CYP2D6: variants seen among roughly 807,000 people sequenced by gnomAD.
CYP2D6 encodes cytochrome P450 2D6.
Under a neutral mutation model 43.5 loss-of-function variants are expected in CYP2D6, and 51 were observed. That is an observed-to-expected ratio of 1.17 (90% CI 0.94 to 1.48). The LOEUF is 1.48. Among genes scored for constraint, CYP2D6 ranks in the 40% most tolerant of loss-of-function variants. CYP2D6 has a pLI of 0.00. For missense variants in CYP2D6, 698 were observed against 688.0 expected (o/e 1.01, Z -0.16); for synonymous variants, 346 against 297.1 (o/e 1.16, Z -1.69).
chr22:42,128,749 G>C, intron 4 of CYP2D6, 35 bp downstream of exon 4: 1 of 1,590,340 alleles, frequency 6.3e-7, no homozygotes, highest in Non-Finnish European at 8.6e-7. Context: ...TCGGGAGCTC[G>C]CCCTGCAGAG....
At position 42,128,166 on chromosome 22, in the gene CYP2D6, ACT is replaced by A; in HGVS notation, c.843+6_843+7del. Reference sequence around the variant, plus strand: ...ACCCTTGCCCCCCACCGTGGCAGCCACTCTCACCTTCTCCATCTCTGCCAGGA... The same window carrying A: ...ACCCTTGCCCCCCACCGTGGCAGCCACTCACCTTCTCCATCTCTGCCAGGA... On this transcript the variant is annotated splice_donor_region_variant and intron_variant, in intron 5 of 8. Transcript: ENST00000645361. The A allele has an allele frequency of 6.3e-7, 1 of 1,596,134 alleles. No homozygotes were observed. The highest frequency in any genetic ancestry group is 2.3e-5 in the East Asian group (1 of 44,326).
At position 42,128,767 on chromosome 22, in the gene CYP2D6, G is replaced by T. The variant is rs762513657; in HGVS notation, c.666+17C>A. 1.4e-5 allele frequency: 22 copies of T among 1,565,146 alleles called. No homozygotes were observed. The highest frequency in any genetic ancestry group is 1.7e-5 in the Admixed American group (1 of 58,172). ...GGAGCTCGCCCTGCAGAGACTCCTC[G>T]GTCTCTCGCTCCGCACCTCGCGCAG... On this transcript the variant is annotated intron_variant, in intron 4 of 8. Transcript: ENST00000645361.
In CYP2D6 at chr22:42,130,242, C is replaced by T. The variant is rs1284288269; in HGVS notation, c.181-333G>A. 2.0e-5 allele frequency: 10 copies of T among 512,342 alleles called. 1 individual carries two copies. In the Admixed American group the frequency reaches 2.2e-4, roughly 11 times the overall value. 31.7% of individuals were successfully genotyped at this position (512,342 alleles called of 1,614,324 possible). A position where few individuals can be genotyped will look rare whatever the true frequency, so the allele number is the denominator to read the frequency against. ...GCAAAAGGTTTGAACCGGGTCACTG[C>T]ACCCCCTTCATCCTCGATTTCGTGA... On this transcript the variant is annotated intron_variant, in intron 1 of 8. Transcript: ENST00000645361.
In CYP2D6 at chr22:42,129,186, C is replaced by G; in HGVS notation, c.353-1G>C. ...GGCCCATAGCGCGCCAGGAACACCC[C>G]TGGGGGTGGGACGGGCACGTGCGCG... On this transcript the variant is annotated splice_acceptor_variant, in intron 2 of 8. Coordinates refer to ENST00000645361, the MANE Select transcript of CYP2D6 (RefSeq NM_000106.6). LOFTEE classifies it high-confidence loss of function. 1.9e-6 allele frequency: 3 copies of G among 1,603,740 alleles called. No homozygotes were observed. The highest frequency in any genetic ancestry group is 1.1e-5 in the South Asian group (1 of 90,860).
chr22:42,129,797 G>T lies in CYP2D6; in HGVS notation c.293C>A (p.Thr98Asn). ...REALVTHGED[T>N]ADRPPVPITQ... ...GATGGGCACAGGCGGGCGGTCGGCG[G>T]TGTCCTCGCCGTGGGTCACCAGCGC... The change falls in exon 2 of 9, where the codon ACC becomes AAC. Residue 98 changes from threonine to asparagine, a missense_variant. Transcript: ENST00000645361. The T allele has an allele frequency of 3.7e-6, 6 of 1,606,990 alleles. No individual in the cohort carries two copies. The highest frequency in any genetic ancestry group is 4.2e-6 in the Non-Finnish European group (5 of 1,177,438).
Position 42,129,107 on chromosome 22 carries a change from A to G in CYP2D6, c.431T>C (p.Leu144Pro). The G allele has an allele frequency of 6.2e-7, 1 of 1,610,606 alleles. No homozygotes were observed. Among genetic ancestry groups the G allele is most frequent in the Admixed American group, 1.7e-5 (1 of 59,878 alleles). Residue 144 changes from leucine to proline, a missense_variant, in exon 3 of 9, where the codon CTG becomes CCG. Coordinates refer to ENST00000645361, the MANE Select transcript of CYP2D6 (RefSeq NM_000106.6). ...CCACTGCTCCAGCGACTTCTTGCCC[A>G]GGCCCAAGTTGCGCAAGGTGGACAC... ...FSVSTLRNLG[L>P]GKKSLEQWVT...
intron 4 of CYP2D6, 102 bp downstream of exon 4, chr22:42,128,682 C>G: frequency 2.1e-6 from 3 of 1,401,468 alleles, no homozygotes; most frequent in Non-Finnish European, 3.0e-6. Flanking sequence ...TGTCCTTTCC[C>G]AAACCCATCT....
At position 42,128,350 on chromosome 22, in the gene CYP2D6, C is replaced by A. The variant is rs544790460; in HGVS notation, c.667G>T (p.Val223Leu). 6.5e-5 allele frequency: 104 copies of A among 1,610,180 alleles called. 5 individuals are homozygous for A. In the Admixed American group the frequency reaches 1.5e-3, roughly 23 times the overall value. Residue 223 changes from valine to leucine, a missense_variant and splice_region_variant, in exon 5 of 9, where the codon GTG (valine) becomes TTG (leucine). Transcript: ENST00000645361. ...AGGAGGACGGGGACAGCATTCAGCA[C>A]CTACACCAGACAGAACGGGGTCTCA... ...LKEESGFLRE[V>L]LNAVPVLLHI...
chr22:42,130,250 T>C, intron 1 of CYP2D6: 1 of 510,394 alleles, frequency 2.0e-6, no homozygotes, highest in Non-Finnish European at 3.4e-6. Flanking sequence ...TGCACCCCCT[T>C]CATCCTCGAT....
chr22:42,129,014 C>T lies in CYP2D6; in HGVS notation c.505+19G>A, dbSNP rs767113526. ...CGCCTTCCCAGTTCCCGCTTTGTGC[C>T]CTTCTGCCCATCACCCACCGGAGTG... On this transcript the variant is annotated intron_variant, in intron 3 of 8. Transcript: ENST00000645361. 14 of 1,601,110 alleles carry T rather than the reference C, an allele frequency of 8.7e-6. No individual in the cohort carries two copies. Among genetic ancestry groups the T allele is most frequent in the Admixed American group, 3.4e-5 (2 of 58,434 alleles).
At chr22:42,129,634 C>T in intron 2 of CYP2D6, 104 bp downstream of exon 2, 1 of 1,479,666 alleles carries the variant, frequency 6.8e-7, no homozygotes, top group Non-Finnish European at 9.3e-7. Flanking sequence ...ACTCGCTGGC[C>T]TGTTTCATGT....
At chr22:42,129,485 C>A in intron 2 of CYP2D6, 1 of 724,822 alleles carries the variant, frequency 1.4e-6, no homozygotes, top group Non-Finnish European at 2.4e-6. Flanking sequence ...CACCGGATTC[C>A]AGCTGGGAAA....
At position 42,130,636 on chromosome 22, in the gene CYP2D6, C is replaced by T. The variant is rs1223156470; in HGVS notation, c.156G>A (p.Gln52=). 4 of 1,607,474 alleles carry T rather than the reference C, an allele frequency of 2.5e-6. No individual in the cohort carries two copies. Among genetic ancestry groups the T allele is most frequent in the African/African-American group, 1.4e-5 (1 of 73,586 alleles). The change falls in exon 1 of 9, where the codon CAG becomes CAA. Residue 52 remains glutamine, a synonymous_variant. Transcript: ENST00000645361. ...CCTGGTCGAAGCAGTATGGTGTGTT[C>T]TGGAAGTCCACATGCAGCAGGTTGC... ...GLGNLLHVDF[Q]NTPYCFDQLR...
intron 6 of CYP2D6, 96 bp downstream of exon 6, chr22:42,127,746 C>G (rs1569020375): frequency 6.3e-7 from 1 of 1,576,762 alleles, no homozygotes; most frequent in African/African-American, 1.4e-5. Flanking sequence ...CTGGTCAAGC[C>G]TGTGCTTGGA....
chr22:42,129,378 C>A (rs1442980736), intron 2 of CYP2D6, 193 bp from the exon 3 acceptor site: 4 of 876,210 alleles, frequency 4.6e-6, no homozygotes, highest in Non-Finnish European at 5.5e-6. Context: ...CGTCTCTGCC[C>A]ACCCTGACCG....
In CYP2D6 at chr22:42,129,090, C is replaced by A; in HGVS notation, c.448G>T (p.Glu150Ter). Residue 150 changes from glutamate (E) to a stop codon, truncating the protein, a stop_gained, in exon 3 of 9, where the codon GAG becomes TAG. Coordinates refer to ENST00000645361, the MANE Select transcript of CYP2D6 (RefSeq NM_000106.6). LOFTEE classifies it high-confidence loss of function. ...RNLGLGKKSL[E>*]QWVTEEAACL... is the part of the protein sequence containing the mutation. ...GCGGCCTCCTCGGTCACCCACTGCTCCAGCGACTTCTTGCCCAGGCCCAAG... is the reference window on the plus strand; with the variant it reads ...GCGGCCTCCTCGGTCACCCACTGCTACAGCGACTTCTTGCCCAGGCCCAAG... 6.2e-7 allele frequency: 1 copy of A among 1,610,136 alleles called. No individual in the cohort carries two copies.
intron 2 of CYP2D6, 126 bp from the exon 3 acceptor site, chr22:42,129,311 C>T: frequency 7.9e-7 from 1 of 1,272,662 alleles, no homozygotes; most frequent in African/African-American, 1.5e-5. Flanking sequence ...GGTCACAGGG[C>T]CCACTCTTTG....
Position 42,127,671 on chromosome 22 carries a change from C to A in CYP2D6, c.986-37G>T, listed in dbSNP as rs373621376. 8.7e-6 allele frequency: 14 copies of A among 1,602,386 alleles called. 1 individual carries two copies. In the African/African-American group the frequency reaches 1.6e-4, roughly 18 times the overall value. On this transcript the variant is annotated intron_variant, in intron 6 of 8. Transcript: ENST00000645361. ...TGCGTCCCCACAATGGGTCAGCACC[C>A]AGGGGGTCCGGCCCTGACACTCCTT...
rs201759814 is a variant in CYP2D6 at position 42,126,548 on chromosome 22, G to C, written c.*26C>G. On this transcript the variant is annotated 3_prime_UTR_variant, in exon 9 of 9. Transcript: ENST00000645361. Reference sequence around the variant, plus strand: ...GTACATTAGAGCCTCTGGCTAGGGAGCAGGCTGGGGACTAGGTACCCCATT... The same window carrying C: ...GTACATTAGAGCCTCTGGCTAGGGACCAGGCTGGGGACTAGGTACCCCATT... 18 of 1,441,302 alleles carry C rather than the reference G, an allele frequency of 1.2e-5. No individual in the cohort carries two copies. In the African/African-American group the frequency reaches 2.4e-4, roughly 19 times the overall value. 89.3% of individuals were successfully genotyped at this position (1,441,302 alleles called of 1,614,324 possible). A position where few individuals can be genotyped will look rare whatever the true frequency, so the allele number is the denominator to read the frequency against.
Sources: allele counts gnomAD v4.1 joint callset, GRCh38; gene constraint gnomAD v4.1.1; transcripts MANE v1.5; gene names NCBI Gene and HGNC (gene_info 2026-07-23, HGNC 2026-07-21).